Variants in IGDCC4 observed in about 807,000 individuals in gnomAD.
IGDCC4 encodes immunoglobulin superfamily DCC subclass member 4.
Under a neutral mutation model 116.6 loss-of-function variants are expected in IGDCC4, and 72 were observed. The ratio of observed to expected loss-of-function variants is 0.62; its 90% CI spans 0.51 to 0.75. The LOEUF is 0.75. Among genes scored for constraint, IGDCC4 ranks in the 30% least tolerant of loss-of-function variants. The probability of loss-of-function intolerance (pLI) is 0.00; values close to 1 mark genes in which losing one functional copy is unlikely to be tolerated. For missense variants in IGDCC4, 1,501 were observed against 1,662.4 expected, an observed-to-expected ratio of 0.90 and a Z score of 1.69; for synonymous variants, 709 against 719.9, an observed-to-expected ratio of 0.98 and a Z score of 0.24.
chr15:65,408,048 G>A (rs748962649), intron 3 of IGDCC4, among the ~76,000 whole-genome samples: 5 of 152,168 alleles, frequency 3.3e-5, no homozygotes, highest in African/African-American at 4.8e-5. Context: ...GAGTACAGGC[G>A]TGAGTCACCG....
Position 65,383,349 on chromosome 15 carries a change from A to T in IGDCC4, c.*660T>A, listed in dbSNP as rs894952701. The T allele has an allele frequency of 2.0e-5, 3 of 152,830 alleles. No individual in the cohort carries two copies. Among genetic ancestry groups the T allele is most frequent in the Admixed American group, 1.3e-4 (2 of 15,278 alleles). 9.5% of individuals were successfully genotyped at this position (152,830 alleles called of 1,614,324 possible). Reference sequence around the variant, plus strand: ...AGGTGACTGGGAGACAGAACACTAGAGCAGCCAGGGGCAAGGAAGGAGGGG... The same window carrying T: ...AGGTGACTGGGAGACAGAACACTAGTGCAGCCAGGGGCAAGGAAGGAGGGG... On this transcript the variant is annotated 3_prime_UTR_variant, in exon 20 of 20. Transcript: ENST00000352385.
chr15:65,414,359 C>T (rs188528914), intron 1 of IGDCC4, among the ~76,000 whole-genome samples: 293 of 152,334 alleles, frequency 1.9e-3, no homozygotes, highest in African/African-American at 6.8e-3. Flanking sequence ...GAAGCAGCCC[C>T]TGCCCTCACC....
At chr15:65,414,374 T>G (rs2063124570) in intron 1 of IGDCC4, among the ~76,000 whole-genome samples, 1 of 152,188 alleles carries the variant, frequency 6.6e-6, no homozygotes, top group East Asian at 1.9e-4. Context: ...CTCACCAAGT[T>G]TGCATTCTAG....
intron 16 of IGDCC4, among the ~76,000 whole-genome samples, chr15:65,387,560 C>T (rs1309922669): frequency 6.6e-6 from 1 of 152,054 alleles, no homozygotes; most frequent in Non-Finnish European, 1.5e-5. Flanking sequence ...ACCGTGTTAG[C>T]CAGGATGGTC....
Position 65,388,517 on chromosome 15 carries a change from C to T in IGDCC4, c.2777G>A (p.Arg926His), listed in dbSNP as rs752611906. Residue 926 changes from arginine to histidine, a missense_variant, in exon 16 of 20, where the codon CGC becomes CAC. Coordinates refer to ENST00000352385, the MANE Select transcript of IGDCC4 (RefSeq NM_020962.3). ...GAAAGGCCCAGGTCCCACCTCTGTG[C>T]GCGCCCCCATCTTGAAGAAGTACCG... Reference protein sequence around the residue: ...DTRYFFKMGARTEVGPGPFSR... With the variant: ...DTRYFFKMGAHTEVGPGPFSR... 10 of 1,614,130 alleles carry T rather than the reference C, an allele frequency of 6.2e-6. No homozygotes were observed. Among genetic ancestry groups the T allele is most frequent in the South Asian group, 1.1e-5 (1 of 91,086 alleles).
chr15:65,392,412 A>G, intron 10 of IGDCC4, 42 bp from the exon 11 acceptor site: 1 of 1,429,720 alleles, frequency 7.0e-7, no homozygotes, highest in Non-Finnish European at 9.4e-7. Flanking sequence ...AAGGAACAGA[A>G]TGCAGAATGA....
Position 65,393,583 on chromosome 15 carries a change from C to T in IGDCC4, c.1715-52G>A, listed in dbSNP as rs778769619. ...TGGGTAGCCACCTGAGGAACAGGAT[C>T]CTAAACCCCCCTACATGGCTCTTCC... is the stretch of plus-strand genomic sequence containing the variant. On this transcript the variant is annotated intron_variant, in intron 9 of 19. Coordinates refer to ENST00000352385, the MANE Select transcript of IGDCC4 (RefSeq NM_020962.3). The surrounding 1 kb of genome is among the most constrained non-coding windows in gnomAD (Gnocchi z 4.6). The T allele has an allele frequency of 2.0e-5, 31 of 1,527,312 alleles. No homozygotes were observed. In the African/African-American group the frequency reaches 3.2e-4, roughly 16 times the overall value. The allele number at this position is 1,527,312 out of a possible 1,614,324, so 94.6% of individuals were successfully genotyped here.
chr15:65,398,594 A>ACAG (rs1257504087), intron 5 of IGDCC4, among the ~76,000 whole-genome samples: 1 of 151,150 alleles, frequency 6.6e-6, no homozygotes, highest in Non-Finnish European at 1.5e-5. Flanking sequence ...AGAAAACAAA[A>ACAG]CAGGCCGGGA....
At chr15:65,388,193 G>T (rs375574078) in intron 16 of IGDCC4, among the ~76,000 whole-genome samples, 1 of 150,452 alleles carries the variant, frequency 6.6e-6, no homozygotes, top group East Asian at 2.0e-4. Flanking sequence ...GCAGTGAGCC[G>T]AGATTGCGCC....
intron 3 of IGDCC4, among the ~76,000 whole-genome samples, chr15:65,405,129 T>TA (rs1462578238): frequency 1.0e-5 from 1 of 100,330 alleles, no homozygotes; most frequent in African/African-American, 3.4e-5. Context: ...TATTAGTTAG[T>TA]GGGGGGGGGG....
intron 8 of IGDCC4, 87 bp downstream of exon 8, chr15:65,395,007 C>G: frequency 7.0e-7 from 1 of 1,430,174 alleles, no homozygotes; most frequent in Non-Finnish European, 9.4e-7. Flanking sequence ...GTAAAAATGC[C>G]TTTACATTAG....
At chr15:65,390,066 T>C in intron 13 of IGDCC4, 89 bp downstream of exon 13, 1 of 1,216,644 alleles carries the variant, frequency 8.2e-7, no homozygotes, top group Admixed American at 2.1e-5. Context: ...CCAGGGGCCC[T>C]TCCCTGATCA....
intron 12 of IGDCC4, among the ~76,000 whole-genome samples, chr15:65,390,965 G>T (rs2091508570): frequency 6.6e-6 from 1 of 152,178 alleles, no homozygotes; most frequent in Non-Finnish European, 1.5e-5. Context: ...GGGTGTGGTG[G>T]CTCACACCTG....
rs145749654 is a variant in IGDCC4, at chr15:65,393,237, G to C, written c.1885+124C>G. The C allele has an allele frequency of 2.9e-5, 30 of 1,030,304 alleles. No homozygotes were observed. The Middle Eastern group carries it at 9.6e-4, about 33-fold the overall frequency. The allele number at this position is 1,030,304 out of a possible 1,614,324, so 63.8% of individuals were successfully genotyped here. ...CCTAAGCCTCACTCACCCATCAAGC[G>C]GAGGGAGCCATGGAAGGTCTCTGAT... is the stretch of plus-strand genomic sequence containing the variant. On this transcript the variant is annotated intron_variant, in intron 10 of 19. Coordinates refer to ENST00000352385, the MANE Select transcript of IGDCC4 (RefSeq NM_020962.3). The surrounding 1 kb of genome is among the most constrained non-coding windows in gnomAD (Gnocchi z 4.6).
At chr15:65,409,356 G>A (rs2063068072) in intron 3 of IGDCC4, among the ~76,000 whole-genome samples, 1 of 152,218 alleles carries the variant, frequency 6.6e-6, no homozygotes, top group South Asian at 2.1e-4. Context: ...GACGGGAGAA[G>A]GATCTAGCTG....
intron 2 of IGDCC4, chr15:65,410,692 T>C: frequency 2.2e-6 from 1 of 462,918 alleles, no homozygotes; most frequent in Non-Finnish European, 3.9e-6. Flanking sequence ...AGGCAGGAGC[T>C]CCCTTAGGAG....
chr15:65,386,404 C>T, intron 17 of IGDCC4, 147 bp downstream of exon 17: 1 of 737,684 alleles, frequency 1.4e-6, no homozygotes, highest in South Asian at 1.6e-5. Flanking sequence ...AGGACATCAT[C>T]CCTGATTCCT....
intron 1 of IGDCC4, among the ~76,000 whole-genome samples, chr15:65,417,140 C>A (rs576082387): frequency 6.6e-6 from 1 of 152,280 alleles, no homozygotes; most frequent in South Asian, 2.1e-4. Context: ...AGGAGAAATT[C>A]TCCACGACAC....
At chr15:65,410,126 A>C in intron 3 of IGDCC4, 52 bp downstream of exon 3, 2 of 1,604,286 alleles carry the variant, frequency 1.2e-6, no homozygotes, top group Non-Finnish European at 1.7e-6. Context: ...AGCACACCCC[A>C]GAGCCCTCTC....
Sources: gnomAD v4.1 joint callset for allele counts (sites outside exome capture counted in the v4.1 genomes callset) on GRCh38, gnomAD v4.1.1 for gene constraint, Gnocchi (gnomAD v3.1) non-coding constraint, MANE v1.5 for transcripts, NCBI Gene and HGNC (gene_info 2026-07-23, HGNC 2026-07-21) for gene names.